AZIN1: variants seen among roughly 807,000 people sequenced by gnomAD.
AZIN1 encodes ornithine decarboxylase antizyme inhibitor.
A neutral mutation model predicts 47.4 loss-of-function variants in AZIN1; 12 were observed. The ratio of observed to expected loss-of-function variants is 0.25; its 90% confidence interval spans 0.16 to 0.41. AZIN1 has a LOEUF of 0.41. Ranked by LOEUF, AZIN1 falls within the 10% of genes least tolerant of loss-of-function variation. The probability of loss-of-function intolerance (pLI) is 1.00; values close to 1 mark genes in which losing one functional copy is unlikely to be tolerated. For missense variants in AZIN1, 410 were observed against 532.4 expected, an observed-to-expected ratio of 0.77 and a Z score of 2.26; for synonymous variants, 155 against 176.3, an observed-to-expected ratio of 0.88 and a Z score of 0.96.
Position 102,828,197 on chromosome 8 carries a change from A to G in AZIN1, c.*370T>C. ...TATCTGGGTGAAAGACATGAACTTT[A>G]CAAGACTTTAAACACAAATCCTTAG... On this transcript the variant is annotated 3_prime_UTR_variant, in exon 12 of 12. Transcript: ENST00000337198. 6.3e-6 allele frequency: 1 copy of G among 158,666 alleles called. No individual in the cohort carries two copies. The highest frequency in any genetic ancestry group is 1.4e-5 in the Non-Finnish European group (1 of 72,118). 9.8% of individuals were successfully genotyped at this position (158,666 alleles called of 1,614,324 possible).
intron 1 of AZIN1, among the ~76,000 whole-genome samples, chr8:102,860,842 A>G (rs1420762693): frequency 2.0e-5 from 3 of 152,220 alleles, no homozygotes; most frequent in African/African-American, 7.2e-5. Flanking sequence ...TAATCATGAG[A>G]AAAACATCAG....
At chr8:102,851,028 AAC>A (rs1812885415) in intron 2 of AZIN1, among the ~76,000 whole-genome samples, 1 of 152,252 alleles carries the variant, frequency 6.6e-6, no homozygotes, top group African/African-American at 2.4e-5. Flanking sequence ...ACGTGGAATT[AAC>A]ACAATTAGAC....
chr8:102,857,651 C>G (rs1025690272), intron 2 of AZIN1, among the ~76,000 whole-genome samples: 1 of 151,824 alleles, frequency 6.6e-6, no homozygotes, highest in African/African-American at 2.4e-5. Context: ...TTCAGCAAGT[C>G]CTCTAAAAAC....
At chr8:102,830,835 C>T (rs1370299465) in intron 9 of AZIN1, among the ~76,000 whole-genome samples, 1 of 152,152 alleles carries the variant, frequency 6.6e-6, no homozygotes, top group Non-Finnish European at 1.5e-5. Flanking sequence ...CATGTATACA[C>T]TGCCAGTGGG....
At chr8:102,837,087 T>G (rs1298343972) in intron 5 of AZIN1, among the ~76,000 whole-genome samples, 2 of 152,022 alleles carry the variant, frequency 1.3e-5, no homozygotes, top group Non-Finnish European at 2.9e-5. Flanking sequence ...CCCAGCTAAT[T>G]TTTTTTATTT....
chr8:102,848,735 G>C (rs1274238904), intron 2 of AZIN1, among the ~76,000 whole-genome samples: 1 of 152,094 alleles, frequency 6.6e-6, no homozygotes, highest in Non-Finnish European at 1.5e-5. Flanking sequence ...ATCACTGCTT[G>C]CAGTTTTCTT....
intron 5 of AZIN1, 130 bp from the exon 6 acceptor site, chr8:102,836,520 G>T: frequency 1.0e-6 from 1 of 990,616 alleles, no homozygotes; most frequent in Non-Finnish European, 1.5e-6. Flanking sequence ...GATGAATCAA[G>T]TGAACCTAAT....
Position 102,829,619 on chromosome 8 carries a change from G to A in AZIN1, c.1021-133C>T, listed in dbSNP as rs925652893. 4 of 917,656 alleles carry A rather than the reference G, an allele frequency of 4.4e-6. No homozygotes were observed. In the African/African-American group the frequency reaches 6.6e-5, roughly 15 times the overall value. 56.8% of individuals were successfully genotyped at this position (917,656 alleles called of 1,614,324 possible). ...AAAGGCCTAGAGCCAAGGGCAGGGTGCTACTTAAGCCTCGATGGTACCATT... is the reference window on the plus strand; with the variant it reads ...AAAGGCCTAGAGCCAAGGGCAGGGTACTACTTAAGCCTCGATGGTACCATT... On this transcript the variant is annotated intron_variant, in intron 10 of 11. Coordinates refer to ENST00000337198, the MANE Select transcript of AZIN1 (RefSeq NM_148174.4).
chr8:102,831,477 A>C (rs924083616), intron 9 of AZIN1, among the ~76,000 whole-genome samples: 1 of 126,594 alleles, frequency 7.9e-6, no homozygotes, highest in African/African-American at 3.9e-5. Flanking sequence ...ATTTAAATTA[A>C]AAAAAAAAAA....
chr8:102,839,528 A>T, intron 4 of AZIN1, 122 bp downstream of exon 4: 1 of 663,958 alleles, frequency 1.5e-6, no homozygotes. Context: ...GGAGATTTAA[A>T]CAATTATTTT....
At chr8:102,832,068 A>C (rs1811496547) in intron 9 of AZIN1, among the ~76,000 whole-genome samples, 1 of 152,250 alleles carries the variant, frequency 6.6e-6, no homozygotes, top group African/African-American at 2.4e-5. Context: ...CATAGCCTAA[A>C]AAATTAATCA....
intron 2 of AZIN1, among the ~76,000 whole-genome samples, chr8:102,856,855 T>A (rs528870504): frequency 6.6e-6 from 1 of 152,358 alleles, no homozygotes; most frequent in African/African-American, 2.4e-5. Flanking sequence ...CACCTGGATA[T>A]AGACTCTGAT....
chr8:102,860,628 C>T (rs778146814), intron 1 of AZIN1, among the ~76,000 whole-genome samples: 14 of 152,156 alleles, frequency 9.2e-5, no homozygotes, highest in Non-Finnish European at 1.6e-4. Flanking sequence ...CTCAAGTGAT[C>T]CGCCTGCATC....
intron 7 of AZIN1, 122 bp from the exon 8 acceptor site, chr8:102,834,385 GT>G: frequency 1.3e-6 from 1 of 746,292 alleles, no homozygotes; most frequent in Non-Finnish European, 2.2e-6. Flanking sequence ...CAAATTCTTG[GT>G]TTTTTACTGA....
At position 102,833,505 on chromosome 8, in the gene AZIN1, A is replaced by G. The variant is rs576262571; in HGVS notation, c.742-287T>C. Reference sequence around the variant, plus strand: ...TTAAGTCATTTTTCTATACTTGATCACTAAAAACAGAAGTAAAATTTTCAA... The same window carrying G: ...TTAAGTCATTTTTCTATACTTGATCGCTAAAAACAGAAGTAAAATTTTCAA... On this transcript the variant is annotated intron_variant, in intron 8 of 11. Transcript: ENST00000337198. Among the ~76,000 whole-genome samples, 12 of 151,968 alleles carry G rather than the reference A, an allele frequency of 7.9e-5. No individual in the cohort carries two copies. In the South Asian group the frequency reaches 1.9e-3, roughly 24 times the overall value.
At chr8:102,855,205 T>C (rs1296784615) in intron 2 of AZIN1, among the ~76,000 whole-genome samples, 1 of 151,822 alleles carries the variant, frequency 6.6e-6, no homozygotes, top group Non-Finnish European at 1.5e-5. Flanking sequence ...TACAGGCACC[T>C]GCCACGACGC....
chr8:102,828,354 T>C lies in AZIN1; in HGVS notation c.*213A>G. 1 of 416,782 alleles carries C rather than the reference T, an allele frequency of 2.4e-6. No individual in the cohort carries two copies. Among genetic ancestry groups the C allele is most frequent in the Non-Finnish European group, 4.3e-6 (1 of 231,328 alleles). 25.8% of individuals were successfully genotyped at this position (416,782 alleles called of 1,614,324 possible). ...TTAAGGGGTAGGACAAACTGGTAGG[T>C]TTAAATCTGGATACATTATCTAAAT... On this transcript the variant is annotated 3_prime_UTR_variant, in exon 12 of 12. Transcript: ENST00000337198.
intron 1 of AZIN1, among the ~76,000 whole-genome samples, chr8:102,862,398 T>C (rs1722107531): frequency 1.3e-5 from 2 of 152,168 alleles, no homozygotes; most frequent in South Asian, 4.1e-4. Flanking sequence ...TGAAAACGTA[T>C]GTGATAAAAC....
chr8:102,829,694 G>A (rs894162863), intron 10 of AZIN1, 127 bp downstream of exon 10: 3 of 859,280 alleles, frequency 3.5e-6, no homozygotes, highest in East Asian at 5.2e-5. Context: ...CCAGAAGAAC[G>A]CAAATCCTCA....
Sources: allele counts gnomAD v4.1 joint callset (sites outside exome capture counted in the v4.1 genomes callset), GRCh38; gene constraint gnomAD v4.1.1; transcripts MANE v1.5; gene names NCBI Gene and HGNC (gene_info 2026-07-23, HGNC 2026-07-21).